Variants in CDKAL1 observed in about 807,000 individuals in gnomAD.
CDKAL1 encodes the protein CDKAL1 threonylcarbamoyladenosine tRNA methylthiotransferase, also known as threonylcarbamoyladenosine tRNA methylthiotransferase.
In CDKAL1, 32 loss-of-function variants were observed where a neutral mutation model predicts 68.2. That is an observed-to-expected ratio of 0.47 (90% CI 0.35 to 0.63). CDKAL1 has a LOEUF of 0.63. Among genes scored for constraint, CDKAL1 ranks in the 30% least tolerant of loss-of-function variants. CDKAL1 has a pLI of 0.00. For synonymous variants in CDKAL1, 234 were observed against 244.3 expected, an observed-to-expected ratio of 0.96 and a Z score of 0.39; for missense variants, 606 against 696.7, an observed-to-expected ratio of 0.87 and a Z score of 1.47.
chr6:21,033,222 G>C (rs1445898812), intron 11 of CDKAL1, among the ~76,000 whole-genome samples: 1 of 152,172 alleles, frequency 6.6e-6, no homozygotes, highest in African/African-American at 2.4e-5. Context: ...ATAAGCTGTT[G>C]CAATATTTTC....
rs73372041 is a variant in CDKAL1 at position 20,846,870 on chromosome 6, A to G, written c.742+692A>G. ...TAAACTTCCTCTTTTGTCTTTGTTT[A>G]TAGTATGTGCCTGTAACAGTGGTGT... On this transcript the variant is annotated intron_variant, in intron 9 of 15. Transcript: ENST00000274695. Among the ~76,000 whole-genome samples the G allele has an allele frequency of 9.0e-3, 1,370 of 152,296 alleles. 25 individuals are homozygous for G. The highest frequency in any genetic ancestry group is 0.03 in the African/African-American group (1,265 of 41,552).
At chr6:20,967,253 A>G (rs932149139) in intron 10 of CDKAL1, among the ~76,000 whole-genome samples, 18 of 152,176 alleles carry the variant, frequency 1.2e-4, no homozygotes, top group African/African-American at 4.3e-4. Context: ...ATTCACAGCT[A>G]CTGGGGGTTA....
At chr6:21,105,382 C>G (rs947283263) in intron 12 of CDKAL1, among the ~76,000 whole-genome samples, 2 of 152,084 alleles carry the variant, frequency 1.3e-5, no homozygotes, top group Admixed American at 6.6e-5. Context: ...TTTGGCTGAT[C>G]TGTAGGAGAG....
intron 4 of CDKAL1, among the ~76,000 whole-genome samples, chr6:20,567,023 T>C (rs1764487531): frequency 6.6e-6 from 1 of 152,098 alleles, no homozygotes; most frequent in African/African-American, 2.4e-5. Flanking sequence ...TCCTTATTTT[T>C]AGCTCTTGAT....
chr6:21,148,871 C>T (rs1776289006), intron 13 of CDKAL1, among the ~76,000 whole-genome samples: 1 of 152,044 alleles, frequency 6.6e-6, no homozygotes, highest in Non-Finnish European at 1.5e-5. Flanking sequence ...TAAAAGATTA[C>T]CATTCATGAC....
rs79702887 is a variant in CDKAL1 at position 21,018,839 on chromosome 6, A to C, written c.1055+18467A>C. 5.9e-5 allele frequency among the ~76,000 whole-genome samples: 9 copies of C among 152,204 alleles called. No individual in the cohort carries two copies. The East Asian group carries it at 1.7e-3, about 29-fold the overall frequency. On this transcript the variant is annotated intron_variant, in intron 11 of 15. Coordinates refer to ENST00000274695, the MANE Select transcript of CDKAL1 (RefSeq NM_017774.3). Reference sequence around the variant, plus strand: ...CACTTCCTCACAGGCTATTTAAATGAAGTTGTATCCTATAAAGTAGGAGTT... The same window carrying C: ...CACTTCCTCACAGGCTATTTAAATGCAGTTGTATCCTATAAAGTAGGAGTT...
intron 9 of CDKAL1, among the ~76,000 whole-genome samples, chr6:20,888,091 C>T (rs538873288): frequency 4.7e-5 from 7 of 149,608 alleles, no homozygotes; most frequent in Middle Eastern, 3.8e-3. Flanking sequence ...TTGTCATTTA[C>T]GTTAGGTATT....
intron 11 of CDKAL1, among the ~76,000 whole-genome samples, chr6:21,027,777 T>C (rs1483750818): frequency 1.3e-5 from 2 of 152,174 alleles, no homozygotes; most frequent in African/African-American, 4.8e-5. Context: ...CCCCAGTCTA[T>C]GGTAATCTGT....
rs1474383936 is a variant in CDKAL1, at chr6:20,889,394, T to A, written c.742+43216T>A. 2.0e-5 allele frequency among the ~76,000 whole-genome samples: 3 copies of A among 152,318 alleles called. No homozygotes were observed. The South Asian group carries it at 6.2e-4, about 32-fold the overall frequency. ...AGTTTAATTAGGTCCCATTTGTCAA[T>A]TTTGGCTTTTGTTGCCATTGCTTTT... On this transcript the variant is annotated intron_variant, in intron 9 of 15. Coordinates refer to ENST00000274695, the MANE Select transcript of CDKAL1 (RefSeq NM_017774.3).
chr6:20,564,720 C>G (rs1276963159), intron 4 of CDKAL1, among the ~76,000 whole-genome samples: 3 of 152,116 alleles, frequency 2.0e-5, no homozygotes, highest in Non-Finnish European at 4.4e-5. Flanking sequence ...ATTTTTTAAG[C>G]CTCTGAAAAC....
intron 4 of CDKAL1, among the ~76,000 whole-genome samples, chr6:20,603,668 G>A (rs146641015): frequency 1.4e-4 from 22 of 152,078 alleles, no homozygotes; most frequent in Admixed American, 3.9e-4. Flanking sequence ...GATCTTCCCA[G>A]TGGACAGAAC....
At chr6:20,934,307 G>T (rs2150680674) in intron 9 of CDKAL1, among the ~76,000 whole-genome samples, 1 of 152,276 alleles carries the variant, frequency 6.6e-6, no homozygotes, top group Non-Finnish European at 1.5e-5. Context: ...TTTGCTGCTT[G>T]GTGACACTAG....
chr6:20,782,977 C>G (rs528211182), intron 8 of CDKAL1, among the ~76,000 whole-genome samples: 2 of 152,144 alleles, frequency 1.3e-5, no homozygotes, highest in Non-Finnish European at 2.9e-5. Flanking sequence ...GTCACCTAGG[C>G]TGGAGTGCAA....
intron 13 of CDKAL1, among the ~76,000 whole-genome samples, chr6:21,172,262 C>A (rs1777418759): frequency 6.6e-6 from 1 of 152,162 alleles, no homozygotes; most frequent in African/African-American, 2.4e-5. Context: ...TCTCCAGAGC[C>A]TCCTGTCTTC....
At chr6:21,131,999 A>C (rs201340649) in intron 13 of CDKAL1, among the ~76,000 whole-genome samples, 1 of 152,150 alleles carries the variant, frequency 6.6e-6, no homozygotes, top group African/African-American at 2.4e-5. Context: ...AAGCAATACA[A>C]ATTTAAATTC....
intron 9 of CDKAL1, among the ~76,000 whole-genome samples, chr6:20,951,982 G>A (rs1385878485): frequency 2.2e-5 from 3 of 137,520 alleles, no homozygotes; most frequent in Non-Finnish European, 4.6e-5. Context: ...TTTTTGAGAC[G>A]GAGTCTTGCT....
At chr6:20,914,173 C>A (rs1428072284) in intron 9 of CDKAL1, among the ~76,000 whole-genome samples, 1 of 152,058 alleles carries the variant, frequency 6.6e-6, no homozygotes, top group Admixed American at 6.6e-5. Flanking sequence ...GCCTGTAGTC[C>A]CAGCTACTCG....
chr6:21,105,362 A>T (rs913175047), intron 12 of CDKAL1, among the ~76,000 whole-genome samples: 1 of 152,254 alleles, frequency 6.6e-6, no homozygotes, highest in East Asian at 1.9e-4. Context: ...CGGAGAGAGG[A>T]GGCAGGAATT....
chr6:21,036,091 T>C (rs1268246436), intron 11 of CDKAL1, among the ~76,000 whole-genome samples: 2 of 152,088 alleles, frequency 1.3e-5, no homozygotes, highest in African/African-American at 2.4e-5. Context: ...TGTTTTGGAG[T>C]GGAGAGCATG....
Sources: gnomAD v4.1 joint callset for allele counts (sites outside exome capture counted in the v4.1 genomes callset) on GRCh38, gnomAD v4.1.1 for gene constraint, MANE v1.5 for transcripts, NCBI Gene and HGNC (gene_info 2026-07-23, HGNC 2026-07-21) for gene names.